GPC6: variants seen among roughly 807,000 people sequenced by gnomAD.
GPC6 encodes the protein glypican 6, also known as glypican-6.
GPC6 carries 14 observed loss-of-function variants against 55.2 expected under a neutral mutation model. The observed-to-expected ratio is 0.25, with a 90% CI of 0.17 to 0.40. The LOEUF (loss-of-function observed/expected upper bound fraction) is 0.40. GPC6 is among the 10% of genes least tolerant of loss of function. GPC6 has a pLI of 1.00. For missense variants in GPC6, 641 were observed against 708.5 expected (o/e 0.90, Z 1.08); for synonymous variants, 278 against 259.6 (o/e 1.07, Z -0.68).
chr13:93,881,195 C>T (rs1415848378), intron 3 of GPC6, among the ~76,000 whole-genome samples: 2 of 152,188 alleles, frequency 1.3e-5, no homozygotes, highest in South Asian at 4.1e-4. Context: ...GTGAGAAGTC[C>T]TGTCTCTTTT....
intron 2 of GPC6, among the ~76,000 whole-genome samples, chr13:93,808,036 A>G (rs1886590188): frequency 6.6e-6 from 1 of 152,230 alleles, no homozygotes; most frequent in Non-Finnish European, 1.5e-5. Context: ...TATGAAATTA[A>G]GTAGGCCACT....
intron 4 of GPC6, among the ~76,000 whole-genome samples, chr13:94,265,976 G>T (rs1197557550): frequency 6.6e-6 from 1 of 152,040 alleles, no homozygotes; most frequent in African/African-American, 2.4e-5. Flanking sequence ...CTGCACTAGA[G>T]CCCAACTGTC....
At chr13:94,326,757 G>A (rs1223584120) in intron 6 of GPC6, among the ~76,000 whole-genome samples, 5 of 152,244 alleles carry the variant, frequency 3.3e-5, no homozygotes, top group East Asian at 3.8e-4. Flanking sequence ...AAACTTTAGT[G>A]AGTCCTTTAA....
chr13:93,987,216 C>T (rs1384822990), intron 3 of GPC6, among the ~76,000 whole-genome samples: 1 of 152,086 alleles, frequency 6.6e-6, no homozygotes, highest in East Asian at 1.9e-4. Flanking sequence ...TTTATGTTAT[C>T]CTAAACAACT....
rs568679458 is a variant in GPC6 at position 93,399,438 on chromosome 13, T to C, written c.161-145825T>C. Among the ~76,000 whole-genome samples the C allele has an allele frequency of 2.0e-5, 3 of 152,328 alleles. No individual in the cohort carries two copies. The East Asian group carries it at 5.8e-4, about 29-fold the overall frequency. On this transcript the variant is annotated intron_variant, in intron 1 of 8. Coordinates refer to ENST00000377047, the MANE Select transcript of GPC6 (RefSeq NM_005708.5). ...ATGGCAAGTACTTCATAAATCCGCCTTGAGTGAAGGAAATCAATAAATGAA... is the reference window on the plus strand; with the variant it reads ...ATGGCAAGTACTTCATAAATCCGCCCTGAGTGAAGGAAATCAATAAATGAA...
chr13:94,066,624 A>G (rs951436331), intron 4 of GPC6, among the ~76,000 whole-genome samples: 18 of 152,190 alleles, frequency 1.2e-4, no homozygotes, highest in South Asian at 2.1e-4. Context: ...TCCATGCTCT[A>G]TGGAGATTGT....
chr13:93,281,969 G>GT (rs1442195321), intron 1 of GPC6, among the ~76,000 whole-genome samples: 1 of 152,152 alleles, frequency 6.6e-6, no homozygotes, highest in Non-Finnish European at 1.5e-5. Context: ...TGATGGAAAG[G>GT]TAAAAAGGTG....
chr13:94,069,762 T>C (rs1884660279), intron 4 of GPC6, among the ~76,000 whole-genome samples: 1 of 152,228 alleles, frequency 6.6e-6, no homozygotes, highest in Non-Finnish European at 1.5e-5. Context: ...TTTGCTCTAG[T>C]TCCCAACAAG....
intron 1 of GPC6, among the ~76,000 whole-genome samples, chr13:93,298,363 C>T (rs1190175851): frequency 6.6e-6 from 1 of 152,132 alleles, no homozygotes; most frequent in African/African-American, 2.4e-5. Context: ...AGGCTTTCTT[C>T]CTCTTCTGTC....
intron 1 of GPC6, among the ~76,000 whole-genome samples, chr13:93,472,567 G>T (rs1338776101): frequency 6.6e-6 from 1 of 152,216 alleles, no homozygotes; most frequent in Non-Finnish European, 1.5e-5. Flanking sequence ...AAAATGTGGG[G>T]GTGCCCGGAA....
intron 3 of GPC6, among the ~76,000 whole-genome samples, chr13:93,918,443 C>A (rs1343232267): frequency 6.7e-6 from 1 of 149,990 alleles, no homozygotes; most frequent in Non-Finnish European, 1.5e-5. Context: ...TCGCTGCTAG[C>A]AATTAAAAGA....
chr13:93,561,434 AGTTCT>A (rs1360384005), intron 2 of GPC6, among the ~76,000 whole-genome samples: 20 of 90,396 alleles, frequency 2.2e-4, no homozygotes, highest in African/African-American at 4.3e-4. Context: ...TATTTGTTGC[AGTTCT>A]TATATTCTAA....
chr13:93,988,510 C>T (rs1203698841), intron 3 of GPC6, among the ~76,000 whole-genome samples: 1 of 152,172 alleles, frequency 6.6e-6, no homozygotes, highest in Non-Finnish European at 1.5e-5. Flanking sequence ...GTAGCCTAAA[C>T]AGCTAGGAGG....
chr13:94,139,655 T>C (rs908350777), intron 4 of GPC6, among the ~76,000 whole-genome samples: 6 of 152,184 alleles, frequency 3.9e-5, no homozygotes, highest in African/African-American at 1.4e-4. Flanking sequence ...GCTTTAACCA[T>C]GGTCCTCATC....
intron 2 of GPC6, among the ~76,000 whole-genome samples, chr13:93,766,780 T>C (rs1319804767): frequency 6.6e-6 from 1 of 152,120 alleles, no homozygotes; most frequent in African/African-American, 2.4e-5. Flanking sequence ...CGTAAAATAG[T>C]ATTTCATGTG....
At chr13:93,275,723 A>G (rs1469804150) in intron 1 of GPC6, among the ~76,000 whole-genome samples, 1 of 152,108 alleles carries the variant, frequency 6.6e-6, no homozygotes. Context: ...AGTCAGGTTC[A>G]ATTAGAACAC....
chr13:93,445,398 T>A (rs1877964331), intron 1 of GPC6, among the ~76,000 whole-genome samples: 1 of 152,158 alleles, frequency 6.6e-6, no homozygotes, highest in South Asian at 2.1e-4. Flanking sequence ...GTATGTGATG[T>A]CTGTATTAAA....
intron 3 of GPC6, among the ~76,000 whole-genome samples, chr13:93,887,626 G>A (rs1216102971): frequency 6.6e-6 from 1 of 152,116 alleles, no homozygotes; most frequent in African/African-American, 2.4e-5. Context: ...ACACTTCAGT[G>A]ATCCCTCTAA....
intron 3 of GPC6, among the ~76,000 whole-genome samples, chr13:93,912,705 T>A (rs1325354192): frequency 1.3e-5 from 2 of 152,210 alleles, no homozygotes; most frequent in South Asian, 2.1e-4. Context: ...ATTGCGCCAC[T>A]GCACTCCAGC....
Sources: allele counts gnomAD v4.1 joint callset (sites outside exome capture counted in the v4.1 genomes callset), GRCh38; gene constraint gnomAD v4.1.1; transcripts MANE v1.5; gene names NCBI Gene and HGNC (gene_info 2026-07-23, HGNC 2026-07-21).